ST7: variants seen among roughly 807,000 people sequenced by gnomAD.
ST7 encodes the protein suppressor of tumorigenicity 7 protein.
A neutral mutation model predicts 78.7 loss-of-function variants in ST7; 28 were observed. The observed-to-expected ratio is 0.36, with a 90% CI of 0.26 to 0.49. ST7 has a LOEUF of 0.49. Ranked by LOEUF, ST7 falls within the 20% of genes least tolerant of loss-of-function variation. The pLI is 0.99. For missense variants in ST7, 418 were observed against 696.0 expected, an observed-to-expected ratio of 0.60 and a Z score of 4.49; for synonymous variants, 247 against 249.6, an observed-to-expected ratio of 0.99 and a Z score of 0.10.
At chr7:117,028,268 A>G (rs1796306527) in intron 1 of ST7, among the ~76,000 whole-genome samples, 1 of 152,238 alleles carries the variant, frequency 6.6e-6, no homozygotes, top group Non-Finnish European at 1.5e-5. Flanking sequence ...TATGTACAGC[A>G]TGAAAATTGA....
At chr7:117,199,811 A>G (rs193578) in intron 12 of ST7, among the ~76,000 whole-genome samples, 103,325 of 152,158 alleles carry the variant, frequency 0.68, 35,455 homozygotes, top group East Asian at 0.92. Context: ...GAACGAGGCA[A>G]CCAGCTCACA....
intron 9 of ST7, among the ~76,000 whole-genome samples, chr7:117,167,515 G>C (rs567966483): frequency 2.0e-5 from 3 of 151,950 alleles, no homozygotes; most frequent in African/African-American, 7.3e-5. Context: ...TCAGTATTAG[G>C]TGTGTTGCCT....
At chr7:117,095,321 T>G (rs1800945733) in intron 1 of ST7, among the ~76,000 whole-genome samples, 1 of 152,226 alleles carries the variant, frequency 6.6e-6, no homozygotes, top group Non-Finnish European at 1.5e-5. Context: ...GTGAATTCCC[T>G]GCTCACTGGG....
rs181668420 is a variant in ST7, at chr7:116,970,855, T to C, written c.151+17164T>C. ...ATCAATTATTTTGAATTCTTCTGCA[T>C]GGGAGATTTGTCTCTTCTCTCCCAC... On this transcript the variant is annotated intron_variant, in intron 1 of 15. Coordinates refer to ENST00000323984, the MANE Select transcript of ST7 (RefSeq NM_001369598.1). 4.7e-4 allele frequency among the ~76,000 whole-genome samples: 72 copies of C among 152,356 alleles called. 1 individual carries two copies. The highest frequency in any genetic ancestry group is 1.5e-3 in the African/African-American group (64 of 41,588).
intron 1 of ST7, chr7:116,965,782 A>G (rs905738214): frequency 6.4e-6 from 1 of 157,008 alleles, no homozygotes; most frequent in African/African-American, 2.5e-5. Flanking sequence ...AAGACAAACA[A>G]CACGTTACTG....
At chr7:117,162,516 G>A (rs1328104977) in intron 9 of ST7, among the ~76,000 whole-genome samples, 1 of 148,832 alleles carries the variant, frequency 6.7e-6, no homozygotes. Flanking sequence ...GATATTTGTG[G>A]GGATATTCAC....
At chr7:117,162,322 C>T (rs1807223123) in intron 9 of ST7, among the ~76,000 whole-genome samples, 1 of 151,872 alleles carries the variant, frequency 6.6e-6, no homozygotes, top group Non-Finnish European at 1.5e-5. Flanking sequence ...AATGAATAAT[C>T]CTTTTAGATA....
chr7:117,078,019 A>G (rs1799481929), intron 1 of ST7, among the ~76,000 whole-genome samples: 1 of 152,076 alleles, frequency 6.6e-6, no homozygotes, highest in Non-Finnish European at 1.5e-5. Flanking sequence ...GAGATTTGTC[A>G]TTTGTCTCAG....
chr7:116,999,883 T>C (rs971953398), intron 1 of ST7, among the ~76,000 whole-genome samples: 1 of 139,520 alleles, frequency 7.2e-6, no homozygotes, highest in Admixed American at 8.0e-5. Flanking sequence ...CAATCTCAGC[T>C]CACTGCAAGC....
chr7:117,134,048 C>G, intron 6 of ST7, 76 bp from the exon 7 acceptor site: 1 of 1,576,168 alleles, frequency 6.3e-7, no homozygotes, highest in Non-Finnish European at 8.6e-7. Flanking sequence ...CCCTGAACTC[C>G]GAAATGACAT....
intron 9 of ST7, among the ~76,000 whole-genome samples, chr7:117,169,455 G>T (rs1436520232): frequency 1.3e-5 from 2 of 152,030 alleles, no homozygotes; most frequent in Non-Finnish European, 2.9e-5. Context: ...CTTTCTTGAA[G>T]ATAAAAACTT....
intron 12 of ST7, among the ~76,000 whole-genome samples, chr7:117,204,584 C>G (rs989210279): frequency 1.3e-5 from 2 of 152,082 alleles, no homozygotes; most frequent in Non-Finnish European, 2.9e-5. Flanking sequence ...TTTTTTTGTC[C>G]TGTGCCTGCT....
At chr7:117,032,710 G>A (rs4489259) in intron 1 of ST7, among the ~76,000 whole-genome samples, 120,047 of 152,180 alleles carry the variant, frequency 0.79, 50,397 homozygotes, top group South Asian at 0.94. Flanking sequence ...TTATGTATGT[G>A]CATAATAGAT....
At chr7:117,059,808 A>AAG (rs1491402922) in intron 1 of ST7, among the ~76,000 whole-genome samples, 4 of 99,002 alleles carry the variant, frequency 4.0e-5, no homozygotes, top group African/African-American at 2.4e-4. Context: ...TCATCTCTGC[A>AAG]AAAAAAAAAA....
At chr7:117,174,567 G>C (rs771804793) in intron 10 of ST7, among the ~76,000 whole-genome samples, 3 of 152,142 alleles carry the variant, frequency 2.0e-5, no homozygotes, top group Admixed American at 6.6e-5. Flanking sequence ...AGGAAAGCCA[G>C]GATAAAAACG....
intron 9 of ST7, among the ~76,000 whole-genome samples, chr7:117,148,675 G>A (rs189401409): frequency 6.6e-6 from 1 of 152,208 alleles, no homozygotes; most frequent in East Asian, 1.9e-4. Context: ...TATGGTTCTT[G>A]ATCAGTTACT....
chr7:117,087,834 G>A (rs1179485546), intron 1 of ST7, among the ~76,000 whole-genome samples: 1 of 152,122 alleles, frequency 6.6e-6, no homozygotes, highest in Non-Finnish European at 1.5e-5. Context: ...CATCTGATAT[G>A]CTCAACTCCC....
chr7:117,094,533 C>T (rs1450693338), intron 1 of ST7, among the ~76,000 whole-genome samples: 1 of 152,162 alleles, frequency 6.6e-6, no homozygotes, highest in Non-Finnish European at 1.5e-5. Context: ...CTCTTGTGGT[C>T]AGGGGCAGTG....
chr7:117,030,075 T>C (rs1024502044), intron 1 of ST7, among the ~76,000 whole-genome samples: 1 of 152,216 alleles, frequency 6.6e-6, no homozygotes, highest in African/African-American at 2.4e-5. Flanking sequence ...GGGATTTTGA[T>C]TGAGAGTATA....
Sources: gnomAD v4.1 joint callset for allele counts (sites outside exome capture counted in the v4.1 genomes callset) on GRCh38, gnomAD v4.1.1 for gene constraint, MANE v1.5 for transcripts, NCBI Gene and HGNC (gene_info 2026-07-23, HGNC 2026-07-21) for gene names.